Variants in TCEA2 observed in about 807,000 individuals in gnomAD.
TCEA2 encodes the protein transcription elongation factor A protein 2.
Under a neutral mutation model 40.8 loss-of-function variants are expected in TCEA2, and 21 were observed. The ratio of observed to expected loss-of-function variants is 0.51; its 90% CI spans 0.36 to 0.74. The LOEUF (loss-of-function observed/expected upper bound fraction) is 0.74, where lower values mean the gene tolerates loss of function less well. Among genes scored for constraint, TCEA2 ranks in the 30% least tolerant of loss-of-function variants. The pLI, the probability that TCEA2 is intolerant of heterozygous loss-of-function variation, is 0.00. For missense variants in TCEA2, 326 were observed against 426.5 expected, an observed-to-expected ratio of 0.76 and a Z score of 2.08; for synonymous variants, 165 against 162.7, an observed-to-expected ratio of 1.01 and a Z score of -0.11.
chr20:64,060,710 A>C (rs567619266), upstream of TCEA2, among the ~76,000 whole-genome samples: 2 of 152,282 alleles, frequency 1.3e-5, no homozygotes, highest in African/African-American at 2.4e-5. Context: ...ATCTATTAAT[A>C]ATAATAATAA....
chr20:64,067,161 C>A, intron 3 of TCEA2, 141 bp downstream of exon 3: 1 of 788,914 alleles, frequency 1.3e-6, no homozygotes, highest in Non-Finnish European at 2.1e-6. Context: ...CAAACCCAGA[C>A]CATGAAGCGC....
At chr20:64,063,093 A>C (rs2059602260), upstream of TCEA2, 1 of 284,366 alleles carries the variant, frequency 3.5e-6, no homozygotes, top group African/African-American at 2.2e-5. Flanking sequence ...GTTGTGGTCC[A>C]GAGCGCGGGC....
upstream of TCEA2, chr20:64,063,113 G>A (rs556770934): frequency 1.1e-3 from 355 of 320,612 alleles, 4 homozygotes; most frequent in African/African-American, 7.3e-3. Context: ...CGCGGCGGGC[G>A]CGGCAGGCGG....
chr20:64,070,120 C>A, intron 6 of TCEA2, 140 bp from the exon 7 acceptor site: 1 of 1,285,792 alleles, frequency 7.8e-7, no homozygotes, highest in African/African-American at 1.5e-5. Context: ...ACCTCTCCAC[C>A]AGGTGTGGGT....
At chr20:64,067,752 C>T (rs1290592019) in intron 3 of TCEA2, among the ~76,000 whole-genome samples, 1 of 152,210 alleles carries the variant, frequency 6.6e-6, no homozygotes, top group Non-Finnish European at 1.5e-5. Flanking sequence ...GGAGGGTGGG[C>T]CCCAGAGAGG....
chr20:64,056,977 G>A (rs1371863993), upstream of TCEA2: 1 of 152,278 alleles, frequency 6.6e-6, no homozygotes, highest in Non-Finnish European at 1.5e-5. Context: ...TAAAGACGTC[G>A]AGTGTGGAGG....
intron 4 of TCEA2, 102 bp from the exon 5 acceptor site, chr20:64,069,259 G>T: frequency 6.9e-7 from 1 of 1,448,104 alleles, no homozygotes; most frequent in Non-Finnish European, 9.2e-7. Context: ...AGCAGGGGTT[G>T]GTGGGGGATT....
upstream of TCEA2, among the ~76,000 whole-genome samples, chr20:64,060,416 G>A (rs530970114): frequency 2.6e-5 from 4 of 152,326 alleles, no homozygotes; most frequent in East Asian, 1.9e-4. Flanking sequence ...CCGGACCTCC[G>A]AAGCCAAACT....
Position 64,071,894 on chromosome 20 carries a change from C to G in TCEA2, c.844C>G (p.Pro282Ala). The change falls in exon 9 of 10, where the codon CCC (proline) becomes GCC (alanine). Residue 282 changes from proline to alanine, a missense_variant. Transcript: ENST00000343484. ...GGTGCAGACCCGCAGCTCTGATGAG[C>G]CCATGACCACCTTTGTTGTCTGCAA... Reference protein sequence around the residue: ...TQVQTRSSDEPMTTFVVCNEC... With the variant: ...TQVQTRSSDEAMTTFVVCNEC... 1 of 1,614,124 alleles carries G rather than the reference C, an allele frequency of 6.2e-7. No homozygotes were observed. The highest frequency in any genetic ancestry group is 8.5e-7 in the Non-Finnish European group (1 of 1,180,014).
chr20:64,066,630 C>G (rs1479899552), intron 2 of TCEA2, 92 bp downstream of exon 2: 12 of 1,443,950 alleles, frequency 8.3e-6, no homozygotes, highest in Non-Finnish European at 1.2e-5. Flanking sequence ...CTTCCCCACC[C>G]TCCCCACCAG....
chr20:64,068,021 C>T (rs369504503), intron 3 of TCEA2, 26 bp from the exon 4 acceptor site: 64 of 1,575,262 alleles, frequency 4.1e-5, no homozygotes, highest in Non-Finnish European at 5.4e-5. Context: ...TCCCCTTGAT[C>T]AGCCCATCCC....
upstream of TCEA2, among the ~76,000 whole-genome samples, chr20:64,060,243 G>A (rs1206867277): frequency 6.6e-6 from 1 of 152,082 alleles, no homozygotes; most frequent in Non-Finnish European, 1.5e-5. Context: ...ATACTTGGAG[G>A]TCTCCCCCCC....
upstream of TCEA2, among the ~76,000 whole-genome samples, chr20:64,059,948 T>C (rs1391189219): frequency 6.6e-6 from 1 of 152,160 alleles, no homozygotes; most frequent in East Asian, 1.9e-4. Flanking sequence ...GCCTCACTGC[T>C]GGCTCCTTGA....
chr20:64,064,923 G>A (rs1304197904), intron 1 of TCEA2, among the ~76,000 whole-genome samples: 1 of 143,872 alleles, frequency 7.0e-6, no homozygotes. Context: ...CTGTAGGTGG[G>A]AGAAGCAAAG....
Position 64,066,465 on chromosome 20 carries a change from TCTC to T in TCEA2, c.73-8_73-6del. 6.2e-7 allele frequency: 1 copy of T among 1,613,302 alleles called. No homozygotes were observed. The highest frequency in any genetic ancestry group is 8.5e-7 in the Non-Finnish European group (1 of 1,179,410). On this transcript the variant is annotated splice_region_variant and splice_polypyrimidine_tract_variant and intron_variant, in intron 1 of 9. Transcript: ENST00000343484. ...TAAAGTCCTTTATGAAGGTCCTCCT[TCTC>T]CTTCCAGGAGGGAGCCATGGATTTG...
intron 5 of TCEA2, 64 bp from the exon 6 acceptor site, chr20:64,069,701 C>T (rs906122238): frequency 1.1e-5 from 18 of 1,574,282 alleles, no homozygotes; most frequent in Non-Finnish European, 1.6e-5. Context: ...GGGTGTTTTG[C>T]AGGCAGAAGG....
upstream of TCEA2, among the ~76,000 whole-genome samples, chr20:64,059,791 C>T (rs983824706): frequency 3.3e-5 from 5 of 152,160 alleles, no homozygotes; most frequent in Non-Finnish European, 7.4e-5. Context: ...TTAAAAGCAT[C>T]CCTCATGCAA....
intron 1 of TCEA2, chr20:64,065,496 C>T (rs552833783): frequency 6.8e-6 from 1 of 146,262 alleles, no homozygotes; most frequent in East Asian, 2.3e-4. Context: ...ACAGGAGAGG[C>T]CTTGCTGAGA....
Position 64,066,475 on chromosome 20 carries a change from G to C in TCEA2, c.73-1G>C, listed in dbSNP as rs1370190911. 8.7e-6 allele frequency: 14 copies of C among 1,613,846 alleles called. No homozygotes were observed. The highest frequency in any genetic ancestry group is 1.2e-5 in the Non-Finnish European group (14 of 1,179,838). ...TATGAAGGTCCTCCTTCTCCTTCCA[G>C]GAGGGAGCCATGGATTTGCTGCGGG... On this transcript the variant is annotated splice_acceptor_variant, in intron 1 of 9. Transcript: ENST00000343484. LOFTEE classifies it high-confidence loss of function.
Sources: allele counts gnomAD v4.1 joint callset (sites outside exome capture counted in the v4.1 genomes callset), GRCh38; gene constraint gnomAD v4.1.1; transcripts MANE v1.5; gene names NCBI Gene and HGNC (gene_info 2026-07-23, HGNC 2026-07-21).